Variants in SEMA3A observed in about 807,000 individuals in gnomAD.
SEMA3A encodes semaphorin-3A.
SEMA3A carries 29 observed loss-of-function variants against 97.9 expected under a neutral mutation model. The observed-to-expected ratio is 0.30, with a 90% CI of 0.22 to 0.40. SEMA3A has a LOEUF of 0.40. SEMA3A is among the 10% of genes least tolerant of loss of function. The pLI is 1.00. For synonymous variants in SEMA3A, 321 were observed against 323.7 expected, an observed-to-expected ratio of 0.99 and a Z score of 0.09; for missense variants, 763 against 951.3, an observed-to-expected ratio of 0.80 and a Z score of 2.60.
chr7:84,393,943 G>T (rs1483180881), intron 1 of SEMA3A, among the ~76,000 whole-genome samples: 1 of 152,116 alleles, frequency 6.6e-6, no homozygotes, highest in Non-Finnish European at 1.5e-5. Flanking sequence ...GCTAGAAATT[G>T]TCATGTTGCC....
At chr7:84,006,681 C>T (rs114431693) in intron 10 of SEMA3A, among the ~76,000 whole-genome samples, 11 of 152,108 alleles carry the variant, frequency 7.2e-5, no homozygotes, top group Non-Finnish European at 1.2e-4. Flanking sequence ...ATAATTTCTA[C>T]CATTTAATGT....
intron 2 of SEMA3A, among the ~76,000 whole-genome samples, chr7:84,332,899 AT>A (rs1801941618): frequency 6.6e-6 from 1 of 152,106 alleles, no homozygotes; most frequent in Non-Finnish European, 1.5e-5. Flanking sequence ...ATGACTTAAC[AT>A]TTCAGAGTTA....
At chr7:83,998,581 T>A (rs10240152) in intron 12 of SEMA3A, among the ~76,000 whole-genome samples, 23,763 of 152,044 alleles carry the variant, frequency 0.16, 2,186 homozygotes, top group Non-Finnish European at 0.21. Flanking sequence ...TAATTTTTTT[T>A]AAAGTATTTT....
chr7:84,283,039 A>T (rs1800486388), intron 3 of SEMA3A, among the ~76,000 whole-genome samples: 2 of 152,086 alleles, frequency 1.3e-5, no homozygotes, highest in Non-Finnish European at 2.9e-5. Context: ...TTTTTAAGTA[A>T]TGAATAAAAT....
chr7:84,468,288 T>C (rs1437663960), intron 1 of SEMA3A, among the ~76,000 whole-genome samples: 2 of 152,182 alleles, frequency 1.3e-5, no homozygotes. Context: ...GCAGAGCCCT[T>C]TTCCCCATCT....
At chr7:84,060,174 G>T (rs1416032624) in intron 5 of SEMA3A, among the ~76,000 whole-genome samples, 3 of 152,240 alleles carry the variant, frequency 2.0e-5, no homozygotes, top group Non-Finnish European at 2.9e-5. Context: ...CCAGCACAAG[G>T]TAACACAATG....
intron 4 of SEMA3A, among the ~76,000 whole-genome samples, chr7:84,062,477 A>G (rs1216712807): frequency 6.6e-6 from 1 of 152,148 alleles, no homozygotes; most frequent in Non-Finnish European, 1.5e-5. Flanking sequence ...GACGCAGAAG[A>G]TGGTGATTTC....
At chr7:84,365,371 T>C (rs1375083803) in intron 2 of SEMA3A, among the ~76,000 whole-genome samples, 1 of 151,596 alleles carries the variant, frequency 6.6e-6, no homozygotes, top group Non-Finnish European at 1.5e-5. Flanking sequence ...TTGAGCTCTC[T>C]CTCTGCATTT....
In SEMA3A at chr7:83,960,745, T is replaced by C. The variant is rs1350558201; in HGVS notation, c.*626A>G. On this transcript the variant is annotated 3_prime_UTR_variant, in exon 17 of 17. Transcript: ENST00000265362. ...TAAATTATAGTTTTAATAAAATACATCTTTAGATCAAAGCTGAAAGAAGAC... is the reference window on the plus strand; with the variant it reads ...TAAATTATAGTTTTAATAAAATACACCTTTAGATCAAAGCTGAAAGAAGAC... 6.6e-6 allele frequency: 1 copy of C among 152,592 alleles called. No homozygotes were observed. The allele number at this position is 152,592 out of a possible 1,614,324, so 9.5% of individuals were successfully genotyped here.
At chr7:84,343,577 G>C (rs1456195466) in intron 2 of SEMA3A, among the ~76,000 whole-genome samples, 1 of 152,182 alleles carries the variant, frequency 6.6e-6, no homozygotes, top group Non-Finnish European at 1.5e-5. Flanking sequence ...GACTCTCTAA[G>C]GGAAATGTGT....
intron 1 of SEMA3A, among the ~76,000 whole-genome samples, chr7:84,187,736 A>T (rs1161163866): frequency 1.3e-5 from 2 of 152,132 alleles, no homozygotes; most frequent in Admixed American, 1.3e-4. Flanking sequence ...TATTTCCAAA[A>T]ATAATTTTGT....
At chr7:84,379,813 T>C (rs1803209214) in intron 1 of SEMA3A, among the ~76,000 whole-genome samples, 1 of 152,248 alleles carries the variant, frequency 6.6e-6, no homozygotes, top group Admixed American at 6.5e-5. Context: ...TTCCTTCATA[T>C]GTTACTGCTT....
intron 4 of SEMA3A, among the ~76,000 whole-genome samples, chr7:84,062,204 C>A (rs998046439): frequency 3.9e-5 from 6 of 152,154 alleles, no homozygotes; most frequent in Admixed American, 3.3e-4. Context: ...CCATTATTTT[C>A]AACTTTCCTA....
At chr7:84,444,565 T>A (rs1332357054) in intron 1 of SEMA3A, among the ~76,000 whole-genome samples, 1 of 126,342 alleles carries the variant, frequency 7.9e-6, no homozygotes, top group African/African-American at 2.7e-5. Flanking sequence ...TCTTTTTTTC[T>A]TTTTTTTTTT....
chr7:83,961,948 A>T (rs1348373330), intron 16 of SEMA3A, 122 bp from the exon 17 acceptor site: 8 of 649,390 alleles, frequency 1.2e-5, no homozygotes, highest in African/African-American at 1.9e-5. Flanking sequence ...GTTAATAAAA[A>T]TTTTTAATTT....
At chr7:84,359,472 C>T (rs1802655637) in intron 2 of SEMA3A, among the ~76,000 whole-genome samples, 1 of 152,116 alleles carries the variant, frequency 6.6e-6, no homozygotes, top group Non-Finnish European at 1.5e-5. Context: ...ACCAGCCTTG[C>T]ATCCCAGGGA....
intron 1 of SEMA3A, among the ~76,000 whole-genome samples, chr7:84,136,977 G>A (rs1429105308): frequency 6.7e-6 from 1 of 150,062 alleles, no homozygotes; most frequent in Non-Finnish European, 1.5e-5. Context: ...AGGAAGGAAG[G>A]AAGGAAGGAA....
rs1187182577 is a variant in SEMA3A, at chr7:84,158,148, C to CTTTTTTTTTTTTTT, written c.113-23211_113-23198dup. ...CTTATGCTTAATTTAACAGCTAATT[C>CTTTTTTTTTTTTTT]TTTTTTTTTTTTTTTTTTTTTTTTG... On this transcript the variant is annotated intron_variant, in intron 1 of 16. Coordinates refer to ENST00000265362, the MANE Select transcript of SEMA3A (RefSeq NM_006080.3). Among the ~76,000 whole-genome samples the CTTTTTTTTTTTTTT allele has an allele frequency of 4.9e-5, 4 of 82,290 alleles. 1 individual carries two copies. Among genetic ancestry groups the CTTTTTTTTTTTTTT allele is most frequent in the Non-Finnish European group, 6.8e-5 (3 of 43,804 alleles). The allele number at this position is 82,290 out of a possible 152,430, so 54.0% of individuals were successfully genotyped here.
At chr7:83,986,086 T>A (rs1269882042) in intron 12 of SEMA3A, among the ~76,000 whole-genome samples, 1 of 152,176 alleles carries the variant, frequency 6.6e-6, no homozygotes, top group Admixed American at 6.5e-5. Context: ...TTCAGCATGG[T>A]CTCAGAGTGG....
Sources: allele counts gnomAD v4.1 joint callset (sites outside exome capture counted in the v4.1 genomes callset), GRCh38; gene constraint gnomAD v4.1.1; transcripts MANE v1.5; gene names NCBI Gene and HGNC (gene_info 2026-07-23, HGNC 2026-07-21).